Variants in GLYATL1 observed in about 807,000 individuals in gnomAD.
GLYATL1 encodes the protein glycine-N-acyltransferase like 1.
In GLYATL1, 15 loss-of-function variants were observed where a neutral mutation model predicts 20.0. The ratio of observed to expected loss-of-function variants is 0.75; its 90% CI spans 0.50 to 1.15. GLYATL1 has a LOEUF of 1.15. Ranked by LOEUF, GLYATL1 falls within the 50% of genes most tolerant of loss-of-function variation. The pLI is 0.00. For missense variants in GLYATL1, 380 were observed against 368.5 expected (o/e 1.03, Z -0.26); for synonymous variants, 151 against 131.5 (o/e 1.15, Z -1.01).
intron 1 of GLYATL1, chr11:58,943,293 T>G (rs1163049327): frequency 6.5e-7 from 1 of 1,550,056 alleles, no homozygotes; most frequent in Non-Finnish European, 8.7e-7. Context: ...ACTCATAGAC[T>G]GCTGAATGTT....
At chr11:58,933,626 TA>T (rs1264587010) in intron 1 of GLYATL1, 8 of 152,226 alleles carry the variant, frequency 5.3e-5, no homozygotes, top group Non-Finnish European at 1.2e-4. Context: ...AGCTATTGGT[TA>T]TTTTTTTTTT....
At chr11:58,945,298 T>C (rs1395419966) in intron 2 of GLYATL1, among the ~76,000 whole-genome samples, 5 of 152,086 alleles carry the variant, frequency 3.3e-5, no homozygotes, top group South Asian at 2.1e-4. Flanking sequence ...AGCTTCCTGA[T>C]TTAGAAAAGA....
chr11:58,910,240 T>C (rs906219359), downstream of GLYATL1, among the ~76,000 whole-genome samples: 1 of 152,180 alleles, frequency 6.6e-6, no homozygotes, highest in Non-Finnish European at 1.5e-5. Flanking sequence ...ATTCCATGTG[T>C]AGGTTTCTGG....
downstream of GLYATL1, among the ~76,000 whole-genome samples, chr11:58,910,064 C>A (rs182708366): frequency 6.6e-6 from 1 of 152,188 alleles, no homozygotes; most frequent in East Asian, 1.9e-4. Context: ...ATTGTCCCAA[C>A]TTAAGTAGCT....
downstream of GLYATL1, among the ~76,000 whole-genome samples, chr11:58,913,028 T>C (rs1179871937): frequency 6.6e-6 from 1 of 152,012 alleles, no homozygotes; most frequent in African/African-American, 2.4e-5. Flanking sequence ...GAATGGTGAG[T>C]ACACAAGCCC....
upstream of GLYATL1, among the ~76,000 whole-genome samples, chr11:58,938,542 T>C (rs561567751): frequency 6.6e-6 from 1 of 152,332 alleles, no homozygotes; most frequent in Non-Finnish European, 1.5e-5. Context: ...AAGTCACTTA[T>C]GACTAATACT....
At chr11:58,938,000 GC>G (rs1050946137), upstream of GLYATL1, among the ~76,000 whole-genome samples, 13 of 152,168 alleles carry the variant, frequency 8.5e-5, no homozygotes, top group Non-Finnish European at 1.6e-4. Flanking sequence ...CCAAATCATT[GC>G]CACTCTTTGT....
upstream of GLYATL1, among the ~76,000 whole-genome samples, chr11:58,938,250 G>C (rs1855924710): frequency 1.3e-5 from 2 of 152,240 alleles, no homozygotes; most frequent in Admixed American, 1.3e-4. Flanking sequence ...GATAACACTA[G>C]AATCTCAAAT....
At chr11:58,941,295 G>GT (rs1856130536) in intron 1 of GLYATL1, among the ~76,000 whole-genome samples, 1 of 149,044 alleles carries the variant, frequency 6.7e-6, no homozygotes, top group African/African-American at 2.5e-5. Context: ...GCGGTGTTTG[G>GT]TTTTTTGTCC....
intron 4 of GLYATL1, among the ~76,000 whole-genome samples, chr11:58,949,982 C>T (rs918115074): frequency 7.3e-5 from 11 of 151,460 alleles, no homozygotes; most frequent in Non-Finnish European, 1.6e-4. Context: ...TTTCCTACCC[C>T]TTGGTTGTAA....
At chr11:58,905,581 A>G (rs1457225137) in exon 1 of GLYATL1, 1 of 456,148 alleles carries the variant, frequency 2.2e-6, no homozygotes, top group East Asian at 7.0e-5. Context: ...CTGCCGCGCA[A>G]CCCCTCCTTG....
At chr11:58,931,919 G>A (rs1413191096) in intron 1 of GLYATL1, among the ~76,000 whole-genome samples, 1 of 151,924 alleles carries the variant, frequency 6.6e-6, no homozygotes, top group Non-Finnish European at 1.5e-5. Flanking sequence ...AGACCAGACT[G>A]TCCAATATGG....
intron 4 of GLYATL1, among the ~76,000 whole-genome samples, chr11:58,949,120 A>C (rs747949727): frequency 1.2e-4 from 19 of 152,242 alleles, no homozygotes; most frequent in Non-Finnish European, 2.4e-4. Context: ...ATGGTAATAC[A>C]AACCTAGGTG....
chr11:58,956,123 C>A lies in GLYATL1; in HGVS notation c.*96C>A. On this transcript the variant is annotated 3_prime_UTR_variant, in exon 7 of 7. Coordinates refer to ENST00000532726, the MANE Select transcript of GLYATL1 (RefSeq NM_001389712.2). ...TCTTCACTTACAAATGCATATTGGGCACTTATAATACAGCAGGAACTCTTC... is the reference window on the plus strand; with the variant it reads ...TCTTCACTTACAAATGCATATTGGGAACTTATAATACAGCAGGAACTCTTC... 1 of 1,077,264 alleles carries A rather than the reference C, an allele frequency of 9.3e-7. No individual in the cohort carries two copies. Among genetic ancestry groups the A allele is most frequent in the African/African-American group, 1.6e-5 (1 of 63,644 alleles). 66.7% of individuals were successfully genotyped at this position (1,077,264 alleles called of 1,614,324 possible). A position where few individuals can be genotyped will look rare whatever the true frequency, so the allele number is the denominator to read the frequency against.
At chr11:58,909,527 G>A (rs554477279), downstream of GLYATL1, among the ~76,000 whole-genome samples, 8 of 152,226 alleles carry the variant, frequency 5.3e-5, no homozygotes, top group South Asian at 6.2e-4. Flanking sequence ...CATTAGTTAC[G>A]CATTCTGTAT....
At chr11:58,910,109 G>A (rs1855003429), downstream of GLYATL1, among the ~76,000 whole-genome samples, 1 of 151,886 alleles carries the variant, frequency 6.6e-6, no homozygotes. Flanking sequence ...TGACTGAGAG[G>A]GCACTTACAG....
rs975823102 is a variant in GLYATL1 at position 58,956,352 on chromosome 11, A to T, written c.*325A>T. The T allele has an allele frequency of 2.1e-5, 6 of 286,182 alleles. No individual in the cohort carries two copies. The highest frequency in any genetic ancestry group is 3.9e-5 in the Non-Finnish European group (6 of 152,848). The allele number at this position is 286,182 out of a possible 1,614,324, so 17.7% of individuals were successfully genotyped here. ...CTCTTTATGCAACTTGGTTAATAGAATCTACTATCTGGAAGATAAATGAAG... is the reference window on the plus strand; with the variant it reads ...CTCTTTATGCAACTTGGTTAATAGATTCTACTATCTGGAAGATAAATGAAG... On this transcript the variant is annotated 3_prime_UTR_variant, in exon 7 of 7. Transcript: ENST00000532726.
chr11:58,919,715 A>G lies in GLYATL1; in HGVS notation n.264+14054A>G, dbSNP rs1343490530. Among the ~76,000 whole-genome samples the G allele has an allele frequency of 2.0e-5, 3 of 152,130 alleles. No individual in the cohort carries two copies. The East Asian group carries it at 5.8e-4, about 29-fold the overall frequency. Reference sequence around the variant, plus strand: ...AAATCCAGAAGCAAATTTTCACAGGATGTGGCTTAAATTTCTTGAATTCCC... The same window carrying G: ...AAATCCAGAAGCAAATTTTCACAGGGTGTGGCTTAAATTTCTTGAATTCCC... On this transcript the variant is annotated intron_variant and non_coding_transcript_variant, in intron 1 of 2. Coordinates refer to the GLYATL1 transcript ENST00000534674.
At chr11:58,938,899 G>A (rs751846950), upstream of GLYATL1, among the ~76,000 whole-genome samples, 28 of 152,292 alleles carry the variant, frequency 1.8e-4, no homozygotes, top group Non-Finnish European at 4.0e-4. Flanking sequence ...CTACAGATAG[G>A]TGAGGAGCCC....
Sources: allele counts gnomAD v4.1 joint callset (sites outside exome capture counted in the v4.1 genomes callset), GRCh38; gene constraint gnomAD v4.1.1; transcripts MANE v1.5; gene names NCBI Gene and HGNC (gene_info 2026-07-23, HGNC 2026-07-21).